NCOR2: variants seen among roughly 807,000 people sequenced by gnomAD.
NCOR2 encodes the protein CTG repeat protein 26.
Under a neutral mutation model 262.9 loss-of-function variants are expected in NCOR2, and 81 were observed. That is an observed-to-expected ratio of 0.31 (90% CI 0.26 to 0.37). The LOEUF (loss-of-function observed/expected upper bound fraction) is 0.37. Among genes scored for constraint, NCOR2 ranks in the 10% least tolerant of loss-of-function variants. NCOR2 has a pLI of 1.00. For synonymous variants in NCOR2, 1,659 were observed against 1,559.3 expected (o/e 1.06, Z -1.51); for missense variants, 3,385 against 3,621.4 (o/e 0.93, Z 1.68).
At chr12:124,388,165 C>A (rs1327466685) in intron 16 of NCOR2, among the ~76,000 whole-genome samples, 2 of 152,122 alleles carry the variant, frequency 1.3e-5, no homozygotes, top group African/African-American at 4.8e-5. Context: ...AGGCGCCTGG[C>A]CAGAGCTCGC....
At chr12:124,343,134 G>T in exon 33 of NCOR2, 1 of 1,612,106 alleles carries the variant, frequency 6.2e-7, no homozygotes. Context: ...TGTGGGTGGT[G>T]CTCGGGCACG....
At chr12:124,528,028 G>C (rs1318301067) in intron 1 of NCOR2, among the ~76,000 whole-genome samples, 1 of 152,198 alleles carries the variant, frequency 6.6e-6, no homozygotes, top group African/African-American at 2.4e-5. Context: ...TGCTGAATCA[G>C]GATGGCCCGA....
chr12:124,349,138 T>C (rs1163685163), intron 28 of NCOR2, among the ~76,000 whole-genome samples: 1 of 151,998 alleles, frequency 6.6e-6, no homozygotes, highest in Non-Finnish European at 1.5e-5. Context: ...GTGGCAGGGG[T>C]GGCCTCGCCA....
intron 16 of NCOR2, among the ~76,000 whole-genome samples, chr12:124,387,230 T>TCATC (rs1200666441): frequency 6.3e-4 from 74 of 116,928 alleles, no homozygotes; most frequent in Non-Finnish European, 8.6e-4. Flanking sequence ...ATTCATTCAT[T>TCATC]CATCCACCCA....
At position 124,440,451 on chromosome 12, in the gene NCOR2, T is replaced by TC. The variant is rs1444527188; in HGVS notation, c.816-2456dup. Among the ~76,000 whole-genome samples, 1 of 152,094 alleles carries TC rather than the reference T, an allele frequency of 6.6e-6. No individual in the cohort carries two copies. Among genetic ancestry groups the TC allele is most frequent in the Non-Finnish European group, 1.5e-5 (1 of 67,994 alleles). ...CCCCGGCCAGGGTGGGCCATGGGGG[T>TC]CCTCAGTCCCACAGGCTAGGACCAG... is the stretch of plus-strand genomic sequence containing the variant. On this transcript the variant is annotated intron_variant, in intron 7 of 46. Coordinates refer to ENST00000405201, the Ensembl canonical transcript of NCOR2. The surrounding 1 kb of genome is among the most constrained non-coding windows in gnomAD (Gnocchi z 5.7).
At chr12:124,327,924 G>A (rs1021245519) in intron 44 of NCOR2, among the ~76,000 whole-genome samples, 1 of 151,974 alleles carries the variant, frequency 6.6e-6, no homozygotes, top group Non-Finnish European at 1.5e-5. Flanking sequence ...GAGGTCAGAT[G>A]CCCCCACCAG....
upstream of NCOR2, among the ~76,000 whole-genome samples, chr12:124,498,634 A>T (rs1355269220): frequency 2.0e-5 from 3 of 152,212 alleles, no homozygotes; most frequent in Non-Finnish European, 4.4e-5. Flanking sequence ...TTAAACATAG[A>T]ATAACCATAT....
chr12:124,364,590 G>A (rs2038874089), intron 20 of NCOR2, among the ~76,000 whole-genome samples: 1 of 152,228 alleles, frequency 6.6e-6, no homozygotes, highest in South Asian at 2.1e-4. Context: ...GCCTGGCAGA[G>A]CGTGCATTGG....
chr12:124,348,378 C>G, intron 28 of NCOR2, 64 bp from the exon 31 acceptor site: 1 of 1,529,004 alleles, frequency 6.5e-7, no homozygotes, highest in East Asian at 2.3e-5. Flanking sequence ...GGTGGGCAGG[C>G]AGGACAGGCA....
In NCOR2 at chr12:124,483,830, G is replaced by A. The variant is rs946966139; in HGVS notation, c.234-57C>T. On this transcript the variant is annotated intron_variant, in intron 2 of 46. Coordinates refer to ENST00000405201, the Ensembl canonical transcript of NCOR2. The surrounding 1 kb of genome is among the most constrained non-coding windows in gnomAD (Gnocchi z 6.3). ...GGAGATTGCGGCTCTGAGAACTCCC[G>A]AGGCCCCGACCACCCTCTGCGCCGA... The A allele has an allele frequency of 1.6e-5, 23 of 1,477,880 alleles. No homozygotes were observed. Among genetic ancestry groups the A allele is most frequent in the South Asian group, 4.1e-5 (3 of 73,402 alleles). The allele number at this position is 1,477,880 out of a possible 1,614,324, so 91.5% of individuals were successfully genotyped here.
At chr12:124,388,729 A>G (rs1308412002) in intron 16 of NCOR2, 1 of 1,304,204 alleles carries the variant, frequency 7.7e-7, no homozygotes. Context: ...TTCCGGAAAC[A>G]TAGGGCTGGG....
At chr12:124,501,056 A>ATG (rs2048694670) in intron 1 of NCOR2, among the ~76,000 whole-genome samples, 3 of 49,338 alleles carry the variant, frequency 6.1e-5, no homozygotes, top group Non-Finnish European at 1.3e-4. Context: ...GCGCGCGCGC[A>ATG]CGCGCGCACA....
rs1171179320 is a variant in NCOR2, at chr12:124,329,457, TCAAA to T, written c.6958+1384_6958+1387del. On this transcript the variant is annotated intron_variant, in intron 44 of 46. Transcript: ENST00000405201. ...GCCTGGGCGACAGAGCAAGACTCTG[TCAAA>T]CAAACAGACAAACAAACAAACACAA... Among the ~76,000 whole-genome samples the T allele has an allele frequency of 5.3e-4, 80 of 151,652 alleles. 2 individuals are homozygous for T. Among genetic ancestry groups the T allele is most frequent in the Admixed American group, 5.1e-3 (78 of 15,230 alleles).
intron 1 of NCOR2, among the ~76,000 whole-genome samples, chr12:124,556,644 G>A (rs2051891127): frequency 6.6e-6 from 1 of 152,200 alleles, no homozygotes; most frequent in Admixed American, 6.5e-5. Context: ...TGGATCACCT[G>A]AGGTCAGGAG....
chr12:124,385,916 G>T (rs377302036), intron 16 of NCOR2, 29 bp from the exon 19 acceptor site: 133 of 1,609,146 alleles, frequency 8.3e-5, no homozygotes, highest in Non-Finnish European at 1.1e-4. Flanking sequence ...GCAGTGAGAA[G>T]AGGCCAGGCC....
intron 41 of NCOR2, among the ~76,000 whole-genome samples, chr12:124,333,901 CGCA>C (rs2035569468): frequency 7.1e-6 from 1 of 140,384 alleles, no homozygotes; most frequent in Non-Finnish European, 1.5e-5. Flanking sequence ...TGTGTGCGCG[CGCA>C]TGTGTGCGGG....
At chr12:124,519,796 A>C (rs1230174935) in intron 1 of NCOR2, among the ~76,000 whole-genome samples, 1 of 152,180 alleles carries the variant, frequency 6.6e-6, no homozygotes, top group Non-Finnish European at 1.5e-5. Context: ...CTGGTTCACC[A>C]GCTGGCCTCA....
intron 8 of NCOR2, among the ~76,000 whole-genome samples, chr12:124,437,074 A>C (rs1467155213): frequency 2.0e-5 from 3 of 151,782 alleles, no homozygotes; most frequent in African/African-American, 7.3e-5. Flanking sequence ...TGACAGAGCG[A>C]AACTCCATCT....
chr12:124,347,991 C>T, intron 29 of NCOR2, 80 bp from the exon 32 acceptor site: 4 of 1,483,234 alleles, frequency 2.7e-6, no homozygotes, highest in South Asian at 1.2e-5. Context: ...GTGTTTACAG[C>T]CGCCAGTGGT....
Sources: allele counts gnomAD v4.1 joint callset (sites outside exome capture counted in the v4.1 genomes callset), GRCh38; gene constraint gnomAD v4.1.1; non-coding constraint Gnocchi (gnomAD v3.1); transcripts MANE v1.5; gene names NCBI Gene and HGNC (gene_info 2026-07-23, HGNC 2026-07-21).